Variants in SCMH1 observed in about 807,000 individuals in gnomAD.
The protein encoded by SCMH1 is Scm polycomb group protein homolog 1.
SCMH1 carries 37 observed loss-of-function variants against 70.8 expected under a neutral mutation model. The observed-to-expected ratio is 0.52, with a 90% CI of 0.40 to 0.69. SCMH1 has a LOEUF of 0.69. Among genes scored for constraint, SCMH1 ranks in the 30% least tolerant of loss-of-function variants. The pLI, the probability that SCMH1 is intolerant of heterozygous loss-of-function variation, is 0.00. For synonymous variants in SCMH1, 292 were observed against 307.4 expected (o/e 0.95, Z 0.52); for missense variants, 607 against 827.3 (o/e 0.73, Z 3.27).
At position 41,170,731 on chromosome 1, in the gene SCMH1, T is replaced by C. The variant is rs201718078; in HGVS notation, c.14-9299A>G. On this transcript the variant is annotated intron_variant, in intron 2 of 14. Coordinates refer to ENST00000337495, the Ensembl canonical transcript of SCMH1. The stretch of plus-strand genomic sequence containing the variant: ...CCTTCACAGGAAAATTTAAGAGTTA[T>C]CTGCAGTTATTGCCTCCTCACTACT... Among the ~76,000 whole-genome samples, 16 of 152,346 alleles carry C rather than the reference T, an allele frequency of 1.1e-4. No individual in the cohort carries two copies. In the East Asian group the frequency reaches 3.1e-3, roughly 29 times the overall value.
chr1:41,235,568 C>CT (rs1406686511), intron 1 of SCMH1, among the ~76,000 whole-genome samples: 1 of 66,816 alleles, frequency 1.5e-5, no homozygotes, highest in Non-Finnish European at 2.5e-5. Context: ...GAGACTCCGT[C>CT]TAAAAAAAAA....
chr1:41,148,730 T>C (rs1377462383), intron 5 of SCMH1, among the ~76,000 whole-genome samples: 1 of 152,176 alleles, frequency 6.6e-6, no homozygotes, highest in Non-Finnish European at 1.5e-5. Flanking sequence ...AGTAGTTTTC[T>C]TCTATTATCT....
chr1:41,167,377 C>A (rs975229850), intron 2 of SCMH1, among the ~76,000 whole-genome samples: 2 of 152,124 alleles, frequency 1.3e-5, no homozygotes, highest in Non-Finnish European at 2.9e-5. Context: ...GTACTGCTGG[C>A]CTCATAAAAT....
chr1:41,221,657 C>A (rs1659308907), intron 1 of SCMH1, among the ~76,000 whole-genome samples: 1 of 151,122 alleles, frequency 6.6e-6, no homozygotes, highest in African/African-American at 2.4e-5. Context: ...GGAAGCCAAG[C>A]TGGGCGGACC....
At chr1:41,086,310 T>C (rs1320413377) in intron 8 of SCMH1, among the ~76,000 whole-genome samples, 1 of 151,788 alleles carries the variant, frequency 6.6e-6, no homozygotes, top group Non-Finnish European at 1.5e-5. Flanking sequence ...AGCCTTCATA[T>C]ATAGCAAATC....
chr1:41,108,940 T>A (rs570834874), intron 8 of SCMH1, among the ~76,000 whole-genome samples: 2 of 152,328 alleles, frequency 1.3e-5, no homozygotes, highest in Admixed American at 1.3e-4. Flanking sequence ...CCCAGTTCAG[T>A]GCTCTGATAC....
chr1:41,179,769 G>A (rs148831050), intron 2 of SCMH1, among the ~76,000 whole-genome samples: 1,641 of 152,194 alleles, frequency 0.011, 19 homozygotes, highest in Non-Finnish European at 0.016. Flanking sequence ...ATTCACAGCC[G>A]AATTCTACCA....
At chr1:41,173,489 G>A (rs1244768926) in intron 2 of SCMH1, among the ~76,000 whole-genome samples, 1 of 152,096 alleles carries the variant, frequency 6.6e-6, no homozygotes, top group Non-Finnish European at 1.5e-5. Flanking sequence ...TGTGGAGAAA[G>A]GAGAACTCTT....
At chr1:41,130,459 A>C (rs1674375698) in intron 6 of SCMH1, among the ~76,000 whole-genome samples, 1 of 152,038 alleles carries the variant, frequency 6.6e-6, no homozygotes, top group Non-Finnish European at 1.5e-5. Flanking sequence ...AATGTCATAA[A>C]GCTTTTCTTC....
intron 14 of SCMH1, 125 bp from the exon 16 acceptor site, chr1:41,028,444 C>T: frequency 2.0e-6 from 3 of 1,505,460 alleles, no homozygotes; most frequent in South Asian, 2.5e-5. Flanking sequence ...GTCCAGTTCA[C>T]CTGCTGTGAT....
chr1:41,202,752 G>A (rs1305883605), intron 1 of SCMH1, among the ~76,000 whole-genome samples: 1 of 152,008 alleles, frequency 6.6e-6, no homozygotes, highest in African/African-American at 2.4e-5. Context: ...ACTGGATGAA[G>A]GTGTTTCAGA....
chr1:41,133,171 T>G (rs962929636), intron 6 of SCMH1, among the ~76,000 whole-genome samples: 1 of 152,212 alleles, frequency 6.6e-6, no homozygotes, highest in African/African-American at 2.4e-5. Context: ...ATCCTATCCG[T>G]GAGCGTGGAA....
intron 10 of SCMH1, among the ~76,000 whole-genome samples, chr1:41,059,649 C>A (rs1651846361): frequency 6.6e-6 from 1 of 152,190 alleles, no homozygotes; most frequent in Non-Finnish European, 1.5e-5. Flanking sequence ...GGGCACTGAG[C>A]TGGTTTACAC....
At position 41,153,656 on chromosome 1, in the gene SCMH1, T is replaced by C. The variant is rs114382197; in HGVS notation, c.107-1972A>G. On this transcript the variant is annotated intron_variant, in intron 4 of 14. Coordinates refer to ENST00000337495, the Ensembl canonical transcript of SCMH1. The stretch of plus-strand genomic sequence containing the variant: ...CTAACTGGATGAAAAGGAACCTCTG[T>C]TTAAAGTAGTTCACCCACTGTGATG... Among the ~76,000 whole-genome samples the C allele has an allele frequency of 2.7e-3, 413 of 152,302 alleles. 1 individual carries two copies. The highest frequency in any genetic ancestry group is 9.6e-3 in the African/African-American group (400 of 41,568).
chr1:41,126,392 TTTTA>T (rs1232270648), intron 6 of SCMH1, among the ~76,000 whole-genome samples: 2 of 152,182 alleles, frequency 1.3e-5, no homozygotes, highest in African/African-American at 4.8e-5. Flanking sequence ...TTTAGTTTAA[TTTTA>T]TTTATTAAGT....
intron 8 of SCMH1, among the ~76,000 whole-genome samples, chr1:41,102,150 T>C (rs1199056944): frequency 1.3e-5 from 2 of 151,886 alleles, no homozygotes; most frequent in Admixed American, 6.6e-5. Context: ...AAATGTAAAA[T>C]AGGCTATTGT....
intron 10 of SCMH1, among the ~76,000 whole-genome samples, chr1:41,066,802 C>T (rs1227973087): frequency 6.6e-6 from 1 of 151,976 alleles, no homozygotes; most frequent in East Asian, 1.9e-4. Context: ...GTTGCCCAGG[C>T]TGGTCTTGAA....
intron 2 of SCMH1, among the ~76,000 whole-genome samples, chr1:41,183,570 C>T (rs1023448801): frequency 4.2e-5 from 6 of 143,882 alleles, no homozygotes; most frequent in African/African-American, 1.2e-4. Context: ...CCACCTCCTA[C>T]ATTTATGCCT....
At chr1:41,163,636 G>A (rs1299684661) in intron 2 of SCMH1, among the ~76,000 whole-genome samples, 1 of 152,196 alleles carries the variant, frequency 6.6e-6, no homozygotes, top group Non-Finnish European at 1.5e-5. Context: ...AATCAACAGA[G>A]GGAGAAGCCT....
Sources: allele counts gnomAD v4.1 joint callset (sites outside exome capture counted in the v4.1 genomes callset), GRCh38; gene constraint gnomAD v4.1.1; transcripts MANE v1.5; gene names NCBI Gene and HGNC (gene_info 2026-07-23, HGNC 2026-07-21).